Variants in ATG4D observed in about 807,000 individuals in gnomAD.
ATG4D encodes the protein autophagy related 4D cysteine peptidase.
A neutral mutation model predicts 55.2 loss-of-function variants in ATG4D; 51 were observed. The observed-to-expected ratio is 0.92, with a 90% confidence interval of 0.74 to 1.17. The LOEUF (loss-of-function observed/expected upper bound fraction) is 1.17, where lower values mean the gene tolerates loss of function less well. ATG4D is among the 50% of genes most tolerant of loss of function. ATG4D has a pLI of 0.00. For missense variants in ATG4D, 635 were observed against 649.6 expected (o/e 0.98, Z 0.25); for synonymous variants, 268 against 266.2 (o/e 1.01, Z -0.07).
Position 10,545,061 on chromosome 19 carries a change from TG to T in ATG4D, c.429del (p.Cys144AlafsTer8). 3 of 1,613,466 alleles carry T rather than the reference TG, an allele frequency of 1.9e-6. No homozygotes were observed. Among genetic ancestry groups the T allele is most frequent in the Non-Finnish European group, 1.7e-6 (2 of 1,179,998 alleles). On this transcript the variant is annotated frameshift_variant, in exon 3 of 10. Coordinates refer to ENST00000309469, the MANE Select transcript of ATG4D (RefSeq NM_032885.6). LOFTEE classifies it high-confidence loss of function. ...GGGCTGCCTGACCTCGGACTGTGGC[TG>T]GGGGTGCATGTTACGCAGCGGCCAG... ...PGGCLTSDCG[W>X]GCMLRSGQMM... is the part of the protein sequence containing the mutation.
Position 10,552,111 on chromosome 19 carries a change from T to G in ATG4D, c.1112T>G (p.Phe371Cys). ...ACTGTGGATGTCAGCCAGGCCGACT[T>G]CCCCCTGGAGGTGAGTGGGAGCCCC... ...QPTVDVSQAD[F>C]PLESFHCTSP... The change falls in exon 8 of 10, where the codon TTC becomes TGC. Residue 371 changes from phenylalanine (F) to cysteine (C), a missense_variant. Phe to Cys is a radical substitution (Grantham distance 205, BLOSUM62 -2). Transcript: ENST00000309469. 1.9e-6 allele frequency: 3 copies of G among 1,611,224 alleles called. No individual in the cohort carries two copies. The highest frequency in any genetic ancestry group is 1.7e-6 in the Non-Finnish European group (2 of 1,179,890).
At position 10,544,235 on chromosome 19, in the gene ATG4D, C is replaced by T. The variant is rs759336419; in HGVS notation, c.145C>T (p.Leu49Phe). The stretch of plus-strand genomic sequence containing the variant: ...GCCTTCCGGAGCCAGCGGCCCCGCT[C>T]TTGGCTCTCCCGGGGCTGGCCCGAG... ...LGPSGASGPA[L>F]GSPGAGPSEP... The change falls in exon 1 of 10, where the codon CTT becomes TTT. Residue 49 changes from leucine (L) to phenylalanine (F), a missense_variant. Transcript: ENST00000309469. 7 of 1,258,466 alleles carry T rather than the reference C, an allele frequency of 5.6e-6. No homozygotes were observed. Among genetic ancestry groups the T allele is most frequent in the South Asian group, 3.6e-5 (1 of 27,602 alleles). The allele number at this position is 1,258,466 out of a possible 1,614,324, so 78.0% of individuals were successfully genotyped here.
In ATG4D at chr19:10,553,003, T is replaced by A; in HGVS notation, c.1361T>A (p.Leu454His). 1.2e-6 allele frequency: 2 copies of A among 1,613,020 alleles called. No individual in the cohort carries two copies. Among genetic ancestry groups the A allele is most frequent in the Non-Finnish European group, 1.7e-6 (2 of 1,179,960 alleles). Residue 454 changes from leucine to histidine, a missense_variant, in exon 10 of 10, where the codon CTC becomes CAC. By Grantham distance (99) the Leu-to-His change is moderately conservative. Coordinates refer to ENST00000309469, the MANE Select transcript of ATG4D (RefSeq NM_032885.6). ...CSQLAQPTLR[L>H]PRTGRLLRAK... ...CAGCTCGCCCAGCCCACACTCCGGC[T>A]CCCTCGCACAGGGCGGCTCCTCAGG...
chr19:10,548,681 C>T (rs1916126122), intron 5 of ATG4D, among the ~76,000 whole-genome samples: 1 of 152,134 alleles, frequency 6.6e-6, no homozygotes. Flanking sequence ...CATCCCAGGG[C>T]CTCAGTTGCC....
intron 1 of ATG4D, chr19:10,544,563 G>GTAAAATGGGTACAATAATCAGAACT: frequency 2.8e-6 from 3 of 1,072,564 alleles, no homozygotes; most frequent in Non-Finnish European, 3.8e-6. Context: ...GCCCCTCTCT[G>GTAAAATGGGTACAATAATCAGAACT]TAAAATGGGT....
rs754895004 is a variant in ATG4D, at chr19:10,552,965, C to T, written c.1323C>T (p.Asp441=). 9 of 1,613,596 alleles carry T rather than the reference C, an allele frequency of 5.6e-6. No homozygotes were observed. Among genetic ancestry groups the T allele is most frequent in the Non-Finnish European group, 7.6e-6 (9 of 1,179,998 alleles). The change falls in exon 10 of 10, where the codon GAC becomes GAT. Residue 441 remains aspartate, a synonymous_variant. Coordinates refer to ENST00000309469, the MANE Select transcript of ATG4D (RefSeq NM_032885.6). ...AEGHAQDHSL[D]DLCSQLAQPT... is the part of the protein sequence containing the mutation. ...GCCATGCTCAGGACCACAGCCTGGA[C>T]GACCTCTGCTCCCAGCTCGCCCAGC...
Position 10,547,083 on chromosome 19 carries a change from G to C in ATG4D, c.738G>C (p.Trp246Cys). 1 of 1,598,226 alleles carries C rather than the reference G, an allele frequency of 6.3e-7. No homozygotes were observed. Among genetic ancestry groups the C allele is most frequent in the South Asian group, 1.1e-5 (1 of 88,944 alleles). Residue 246 changes from tryptophan (W) to cysteine (C), a missense_variant, in exon 4 of 10, where the codon TGG becomes TGC. Coordinates refer to ENST00000309469, the MANE Select transcript of ATG4D (RefSeq NM_032885.6). ...GCTCAGGCAAGAAGGCAGGTGACTG[G>C]TATGGGCCATCGCTAGTGGCACACA... ...GQSSGKKAGDWYGPSLVAHIL... is the reference protein window; with the variant it reads ...GQSSGKKAGDCYGPSLVAHIL...
chr19:10,549,113 G>T, intron 6 of ATG4D, 79 bp downstream of exon 6: 2 of 1,528,574 alleles, frequency 1.3e-6, no homozygotes, highest in Non-Finnish European at 1.8e-6. Flanking sequence ...GCTGCTGTTT[G>T]TGCAGCCCTC....
In ATG4D at chr19:10,547,019, C is replaced by T. The variant is rs1435544602; in HGVS notation, c.674C>T (p.Ala225Val). 3.2e-6 allele frequency: 5 copies of T among 1,586,772 alleles called. No individual in the cohort carries two copies. Among genetic ancestry groups the T allele is most frequent in the Non-Finnish European group, 2.6e-6 (3 of 1,167,280 alleles). ...IVSWFADHPRAPFGLHRLVEL... is the reference protein window; with the variant it reads ...IVSWFADHPRVPFGLHRLVEL... ...TCCTGGTTCGCCGACCACCCCCGGG[C>T]CCCCTTTGGCCTACACCGGCTGGTG... The change falls in exon 4 of 10, where the codon GCC becomes GTC. Residue 225 changes from alanine to valine, a missense_variant. Physicochemically the swap from Ala to Val is moderately conservative, Grantham distance 64. Coordinates refer to ENST00000309469, the MANE Select transcript of ATG4D (RefSeq NM_032885.6).
Position 10,551,934 on chromosome 19 carries a change from G to C in ATG4D, c.1004G>C (p.Gly335Ala). 6.2e-7 allele frequency: 1 copy of C among 1,613,908 alleles called. No individual in the cohort carries two copies. The highest frequency in any genetic ancestry group is 2.2e-5 in the East Asian group (1 of 44,870). ...LRCELCLGIM[G>A]GKPRHSLYFI... ...TGCGAGCTGTGCCTGGGCATCATGG[G>C]TGGGAAACCGCGACACTCACTGTAC... The change falls in exon 7 of 10, where the codon GGT becomes GCT. Residue 335 changes from glycine (G) to alanine (A), a missense_variant. Coordinates refer to ENST00000309469, the MANE Select transcript of ATG4D (RefSeq NM_032885.6).
chr19:10,547,560 C>T (rs1424450269), intron 5 of ATG4D, among the ~76,000 whole-genome samples: 2 of 136,310 alleles, frequency 1.5e-5, no homozygotes, highest in African/African-American at 5.4e-5. Flanking sequence ...CCCAGGAGTT[C>T]GAGGTTACAG....
rs763754941 is a variant in ATG4D, at chr19:10,547,035, C to T, written c.690C>T (p.His230=). The change falls in exon 4 of 10, where the codon CAC becomes CAT. Residue 230 remains histidine, a synonymous_variant. Transcript: ENST00000309469. ...ADHPRAPFGL[H]RLVELGQSSG... The stretch of plus-strand genomic sequence containing the variant: ...ACCCCCGGGCCCCCTTTGGCCTACA[C>T]CGGCTGGTGGAGCTTGGGCAGAGCT... 28 of 1,586,240 alleles carry T rather than the reference C, an allele frequency of 1.8e-5. No homozygotes were observed. Among genetic ancestry groups the T allele is most frequent in the Non-Finnish European group, 2.1e-5 (25 of 1,167,382 alleles).
chr19:10,553,244 C>T lies in ATG4D; in HGVS notation c.*177C>T. 1 of 804,852 alleles carries T rather than the reference C, an allele frequency of 1.2e-6. No homozygotes were observed. The highest frequency in any genetic ancestry group is 2.3e-5 in the South Asian group (1 of 43,856). The allele number at this position is 804,852 out of a possible 1,614,324, so 49.9% of individuals were successfully genotyped here. A position where few individuals can be genotyped will look rare whatever the true frequency, so the allele number is the denominator to read the frequency against. On this transcript the variant is annotated 3_prime_UTR_variant, in exon 10 of 10. Transcript: ENST00000309469. ...GGACAGAGCCCACAGAGCCCATACACCTGTCTCCCACCAGCGGGGCCCTCC... is the reference window on the plus strand; with the variant it reads ...GGACAGAGCCCACAGAGCCCATACATCTGTCTCCCACCAGCGGGGCCCTCC...
intron 6 of ATG4D, among the ~76,000 whole-genome samples, chr19:10,550,072 G>A (rs1209798586): frequency 6.6e-6 from 1 of 151,792 alleles, no homozygotes; most frequent in Non-Finnish European, 1.5e-5. Context: ...CAGTGACACC[G>A]TCTTGGCTCA....
At chr19:10,546,711 T>A in intron 3 of ATG4D, 128 bp from the exon 4 acceptor site, 1 of 1,000,680 alleles carries the variant, frequency 1.0e-6, no homozygotes, top group South Asian at 1.9e-5. Context: ...AGTATATGTT[T>A]CAGGAATATG....
At chr19:10,545,562 ACT>A (rs1916006733) in intron 3 of ATG4D, among the ~76,000 whole-genome samples, 1 of 149,698 alleles carries the variant, frequency 6.7e-6, no homozygotes, top group African/African-American at 2.5e-5. Context: ...ACAGAGGGAG[ACT>A]CTGTGTCAAA....
intron 1 of ATG4D, 117 bp downstream of exon 1, chr19:10,544,442 C>A: frequency 2.0e-6 from 2 of 1,006,734 alleles, no homozygotes; most frequent in South Asian, 3.7e-5. Flanking sequence ...GGGTCCCCTC[C>A]CTGCCCGGCC....
chr19:10,545,131 G>C lies in ATG4D; in HGVS notation c.493+1G>C. The stretch of plus-strand genomic sequence containing the variant: ...CTTCTGCTGCATTTCCTGCCCAGAG[G>C]TGAGCCATAGGGGGGAAGGGGTGCA... On this transcript the variant is annotated splice_donor_variant, in intron 3 of 9. Coordinates refer to ENST00000309469, the MANE Select transcript of ATG4D (RefSeq NM_032885.6). LOFTEE classifies it high-confidence loss of function. 2 of 1,608,716 alleles carry C rather than the reference G, an allele frequency of 1.2e-6. No homozygotes were observed.
Position 10,545,003 on chromosome 19 carries a change from C to G in ATG4D, c.366C>G (p.Leu122=), listed in dbSNP as rs376347207. ...GGGACTTTGTGTCCCGCCTGTGGCTCACATACCGCCGGGACTTCCCGCCCC... is the reference window on the plus strand; with the variant it reads ...GGGACTTTGTGTCCCGCCTGTGGCTGACATACCGCCGGGACTTCCCGCCCC... ...FQRDFVSRLW[L]TYRRDFPPLP... is the part of the protein sequence containing the mutation. The change falls in exon 3 of 10, where the codon CTC becomes CTG. Residue 122 remains leucine, a synonymous_variant. Transcript: ENST00000309469. 8 of 1,607,002 alleles carry G rather than the reference C, an allele frequency of 5.0e-6. No homozygotes were observed. In the African/African-American group the frequency reaches 9.3e-5, roughly 19 times the overall value.
Sources: gnomAD v4.1 joint callset for allele counts (sites outside exome capture counted in the v4.1 genomes callset) on GRCh38, gnomAD v4.1.1 for gene constraint, MANE v1.5 for transcripts, NCBI Gene and HGNC (gene_info 2026-07-23, HGNC 2026-07-21) for gene names.